Variants in MARF1 observed in about 807,000 individuals in gnomAD.
The protein encoded by MARF1 is meiosis regulator and mRNA stability factor 1.
A neutral mutation model predicts 168.2 loss-of-function variants in MARF1; 24 were observed. That is an observed-to-expected ratio of 0.14 (90% CI 0.10 to 0.20). MARF1 has a LOEUF of 0.20. MARF1 is among the 10% of genes least tolerant of loss of function. The pLI is 1.00. For missense variants in MARF1, 1,744 were observed against 2,143.6 expected (o/e 0.81, Z 3.68); for synonymous variants, 868 against 822.4 (o/e 1.06, Z -0.95).
intron 1 of MARF1, 70 bp from the exon 2 acceptor site, chr16:15,639,361 G>C (rs2035799697): frequency 4.0e-6 from 4 of 1,006,300 alleles, no homozygotes; most frequent in Non-Finnish European, 5.9e-6. Context: ...ATACTAAAAT[G>C]TGAAACCACA....
In MARF1 at chr16:15,616,701, C is replaced by T. The variant is rs528193753; in HGVS notation, c.3077+351G>A. The T allele has an allele frequency of 2.4e-5, 5 of 205,308 alleles. No individual in the cohort carries two copies. In the South Asian group the frequency reaches 7.1e-4, roughly 29 times the overall value. The allele number at this position is 205,308 out of a possible 1,614,324, so 12.7% of individuals were successfully genotyped here. On this transcript the variant is annotated intron_variant, in intron 15 of 26. Coordinates refer to ENST00000396368, the MANE Select transcript of MARF1 (RefSeq NM_014647.4). ...CAAACCTAGATGCTGCGGCCCACTG[C>T]ACACCTAGGCTGGTGCAGCCCATGG...
intron 22 of MARF1, chr16:15,602,435 C>G: frequency 3.3e-6 from 2 of 603,940 alleles, no homozygotes; most frequent in East Asian, 2.9e-5. Flanking sequence ...ACAAAGACGA[C>G]GAGACAAAAA....
rs751497713 is a variant in MARF1 at position 15,602,128 on chromosome 16, A to C, written c.4489T>G (p.Leu1497Val). ...TGCTGGTAGTGGTAAGTATGAAGTA[A>C]AGACCGCACATTCTTTGCAAACAAA... is the stretch of plus-strand genomic sequence containing the variant. ...LYLFAKNVRS[L>V]LHTYHYQQIF... The change falls in exon 23 of 27, where the codon TTA (leucine) becomes GTA (valine). Residue 1497 changes from leucine (L) to valine (V), a missense_variant. Around this residue, in one of 7 missense-constraint regions of MARF1, gnomAD observed 313 missense variants for 337.4 expected, o/e 0.93. Transcript: ENST00000396368. The C allele has an allele frequency of 2.7e-5, 43 of 1,614,074 alleles. No homozygotes were observed. Among genetic ancestry groups the C allele is most frequent in the Non-Finnish European group, 3.4e-5 (40 of 1,180,006 alleles).
chr16:15,598,564 A>G (rs1799631310), intron 26 of MARF1, among the ~76,000 whole-genome samples: 1 of 152,118 alleles, frequency 6.6e-6, no homozygotes, highest in Admixed American at 6.5e-5. Context: ...CTGGGAGAGC[A>G]GAAGCCCAGG....
intron 7 of MARF1, among the ~76,000 whole-genome samples, chr16:15,628,649 T>C (rs376964871): frequency 1.3e-5 from 2 of 152,128 alleles, no homozygotes; most frequent in African/African-American, 4.8e-5. Flanking sequence ...CCTTAGGTGA[T>C]TGGTGATCTG....
intron 16 of MARF1, among the ~76,000 whole-genome samples, chr16:15,614,792 C>CA (rs201659285): frequency 0.038 from 5,481 of 143,308 alleles, 196 homozygotes; most frequent in East Asian, 0.17. Flanking sequence ...GACTCCGTCT[C>CA]AAAAAAAAAA....
Position 15,598,914 on chromosome 16 carries a change from G to T in MARF1, c.4924C>A (p.Pro1642Thr), listed in dbSNP as rs986361943. The T allele has an allele frequency of 1.2e-6, 2 of 1,613,926 alleles. No individual in the cohort carries two copies. The highest frequency in any genetic ancestry group is 1.7e-6 in the Non-Finnish European group (2 of 1,179,992). Residue 1642 changes from proline (P) to threonine (T), a missense_variant, in exon 26 of 27, where the codon CCC becomes ACC. By Grantham distance (38) the Pro-to-Thr change is conservative. Around this residue, in one of 7 missense-constraint regions of MARF1, gnomAD observed 313 missense variants for 337.4 expected, o/e 0.93. Coordinates refer to ENST00000396368, the MANE Select transcript of MARF1 (RefSeq NM_014647.4). ...CLPSPQLRPD[P>T]VILQSADLIQ... ...AGATCAGCAGATTGGAGGATAACGG[G>T]GTCTGGTCTCAGCTGAGGGGACGGC...
intron 21 of MARF1, among the ~76,000 whole-genome samples, chr16:15,607,758 G>A (rs760389100): frequency 3.9e-5 from 6 of 152,210 alleles, no homozygotes; most frequent in South Asian, 2.1e-4. Flanking sequence ...GCTCTGCCTA[G>A]GACAGGAAGG....
At chr16:15,601,466 A>G (rs994770527) in intron 23 of MARF1, 2 of 219,854 alleles carry the variant, frequency 9.1e-6, no homozygotes, top group East Asian at 2.1e-4. Context: ...TACCTGGAGG[A>G]GCCACGCCCT....
At position 15,612,790 on chromosome 16, in the gene MARF1, G is replaced by C. The variant is rs370684918; in HGVS notation, c.3254-13C>G. 6.2e-7 allele frequency: 1 copy of C among 1,607,626 alleles called. No individual in the cohort carries two copies. The highest frequency in any genetic ancestry group is 8.5e-7 in the Non-Finnish European group (1 of 1,174,354). ...AGAAGCCAAGGGTCTAGAAGAAAAA[G>C]AACGTGTATAAGACAGAAAGCACAG... On this transcript the variant is annotated splice_polypyrimidine_tract_variant and intron_variant, in intron 16 of 26. Coordinates refer to ENST00000396368, the MANE Select transcript of MARF1 (RefSeq NM_014647.4).
intron 1 of MARF1, among the ~76,000 whole-genome samples, chr16:15,639,774 T>C (rs977619908): frequency 6.6e-6 from 1 of 152,214 alleles, no homozygotes; most frequent in Non-Finnish European, 1.5e-5. Context: ...TATCAGAGCA[T>C]ATTACGGGTT....
Position 15,625,169 on chromosome 16 carries a change from A to G in MARF1, c.1958T>C (p.Leu653Pro). The change falls in exon 9 of 27, where the codon CTG becomes CCG. Residue 653 changes from leucine (L) to proline (P), a missense_variant. This residue lies in a region of MARF1 where 270 missense variants were observed against 260.6 expected (regional missense o/e 1.04). Coordinates refer to ENST00000396368, the MANE Select transcript of MARF1 (RefSeq NM_014647.4). ...ACCAGTTTTTGACTCCATGCGGCAC[A>G]GCTCCTTCAAAGACACAAGCACAGT... ...KNTNVKSLQE[L>P]CRMESKTGHR... 1.2e-6 allele frequency: 2 copies of G among 1,613,870 alleles called. No homozygotes were observed. Among genetic ancestry groups the G allele is most frequent in the Non-Finnish European group, 1.7e-6 (2 of 1,179,858 alleles).
At position 15,594,709 on chromosome 16, in the gene MARF1, C is replaced by A. The variant is rs1443617632; in HGVS notation, c.*1984G>T. On this transcript the variant is annotated 3_prime_UTR_variant, in exon 27 of 27. Transcript: ENST00000396368. ...AAAAAATAGATAGCAATTGGACTGG[C>A]CATTGTGGAGTACATTATGAACACA... 5.2e-5 allele frequency: 8 copies of A among 152,670 alleles called. No individual in the cohort carries two copies. Among genetic ancestry groups the A allele is most frequent in the African/African-American group, 1.9e-4 (8 of 41,532 alleles). 9.5% of individuals were successfully genotyped at this position (152,670 alleles called of 1,614,324 possible).
chr16:15,630,849 G>C (rs368504679), intron 6 of MARF1, among the ~76,000 whole-genome samples: 2 of 151,064 alleles, frequency 1.3e-5, no homozygotes, highest in African/African-American at 4.9e-5. Context: ...ACCTGGTCCC[G>C]GCCGGGCGTG....
At position 15,635,735 on chromosome 16, in the gene MARF1, C is replaced by T; in HGVS notation, c.752G>A (p.Cys251Tyr). 6.2e-7 allele frequency: 1 copy of T among 1,614,180 alleles called. No homozygotes were observed. Among genetic ancestry groups the T allele is most frequent in the South Asian group, 1.1e-5 (1 of 91,090 alleles). ...ISQSELTPHLCTNSLHLNVVP... is the reference protein window; with the variant it reads ...ISQSELTPHLYTNSLHLNVVP... ...CACATTAAGGTGCAAAGAGTTGGTGCACAAGTGAGGCGTTAGCTCCGACTG... is the reference window on the plus strand; with the variant it reads ...CACATTAAGGTGCAAAGAGTTGGTGTACAAGTGAGGCGTTAGCTCCGACTG... Residue 251 changes from cysteine (C) to tyrosine (Y), a missense_variant, in exon 3 of 27, where the codon TGC becomes TAC. Transcript: ENST00000396368.
chr16:15,620,327 T>C (rs1453261178), intron 13 of MARF1, 124 bp downstream of exon 13: 1 of 508,918 alleles, frequency 2.0e-6, no homozygotes, highest in African/African-American at 2.0e-5. Flanking sequence ...TAAATCTGAA[T>C]GCCAGTGTCT....
intron 25 of MARF1, among the ~76,000 whole-genome samples, chr16:15,599,698 C>T (rs2032207467): frequency 6.6e-6 from 1 of 152,166 alleles, no homozygotes; most frequent in South Asian, 2.1e-4. Flanking sequence ...AAGAATTGGC[C>T]TCTATCTACT....
chr16:15,602,775 C>A, intron 22 of MARF1: 2 of 381,078 alleles, frequency 5.2e-6, no homozygotes, highest in South Asian at 4.0e-5. Flanking sequence ...GGGAAGAAAT[C>A]GGGGGAGGCA....
At chr16:15,623,754 A>T (rs1417109777) in intron 10 of MARF1, among the ~76,000 whole-genome samples, 1 of 152,186 alleles carries the variant, frequency 6.6e-6, no homozygotes, top group Non-Finnish European at 1.5e-5. Flanking sequence ...TATCCTTAGG[A>T]AATCAGCCTG....
Sources: gnomAD v4.1 joint callset for allele counts (sites outside exome capture counted in the v4.1 genomes callset) on GRCh38, gnomAD v4.1.1 for gene constraint, gnomAD v4.1.1 regional missense constraint, MANE v1.5 for transcripts, NCBI Gene and HGNC (gene_info 2026-07-23, HGNC 2026-07-21) for gene names.